DLG2: variants seen among roughly 807,000 people sequenced by gnomAD.
DLG2 encodes discs large MAGUK scaffold protein 2.
A neutral mutation model predicts 132.5 loss-of-function variants in DLG2; 45 were observed. The observed-to-expected ratio is 0.34, with a 90% CI of 0.27 to 0.44. The LOEUF (loss-of-function observed/expected upper bound fraction) is 0.44. Among genes scored for constraint, DLG2 ranks in the 20% least tolerant of loss-of-function variants. DLG2 has a pLI of 1.00. For synonymous variants in DLG2, 424 were observed against 419.6 expected, an observed-to-expected ratio of 1.01 and a Z score of -0.13; for missense variants, 1,045 against 1,196.9, an observed-to-expected ratio of 0.87 and a Z score of 1.87.
At chr11:85,315,129 G>C (rs778496729) in intron 3 of DLG2, among the ~76,000 whole-genome samples, 9 of 151,924 alleles carry the variant, frequency 5.9e-5, no homozygotes, top group Admixed American at 1.3e-4. Flanking sequence ...TTCCAGCCTG[G>C]AAAAGATAGT....
chr11:85,032,086 AACC>A (rs1477208992), intron 6 of DLG2, among the ~76,000 whole-genome samples: 3 of 150,990 alleles, frequency 2.0e-5, no homozygotes, highest in Non-Finnish European at 4.4e-5. Context: ...TATAGGCATG[AACC>A]ACCATGCCTG....
At chr11:84,392,851 A>G (rs2098797379) in intron 7 of DLG2, among the ~76,000 whole-genome samples, 1 of 152,180 alleles carries the variant, frequency 6.6e-6, no homozygotes, top group South Asian at 2.1e-4. Flanking sequence ...TGGGTTCAGG[A>G]GCCATGTTCT....
At chr11:83,830,283 G>A (rs2054108875) in intron 17 of DLG2, among the ~76,000 whole-genome samples, 1 of 152,108 alleles carries the variant, frequency 6.6e-6, no homozygotes, top group Non-Finnish European at 1.5e-5. Flanking sequence ...TTACTGTGTG[G>A]TCCTGGTAAT....
chr11:83,676,810 A>C (rs1271377760), intron 18 of DLG2, among the ~76,000 whole-genome samples: 1 of 152,162 alleles, frequency 6.6e-6, no homozygotes, highest in Non-Finnish European at 1.5e-5. Context: ...TCACACTTGC[A>C]ACTAAGGGCC....
At chr11:84,788,279 TC>T (rs1400256410) in intron 6 of DLG2, among the ~76,000 whole-genome samples, 1 of 151,838 alleles carries the variant, frequency 6.6e-6, no homozygotes, top group Non-Finnish European at 1.5e-5. Flanking sequence ...TGAGAGAGGG[TC>T]AGAAAGCAAG....
chr11:83,532,522 T>C (rs539506099), intron 21 of DLG2, among the ~76,000 whole-genome samples, 186 bp downstream of exon 21: 81 of 152,278 alleles, frequency 5.3e-4, no homozygotes, highest in Non-Finnish European at 7.9e-4. Flanking sequence ...TCCCAGTGTT[T>C]AAATATATTT....
intron 5 of DLG2, among the ~76,000 whole-genome samples, chr11:85,142,013 G>A (rs2076519285): frequency 6.6e-6 from 1 of 151,504 alleles, no homozygotes; most frequent in African/African-American, 2.4e-5. Flanking sequence ...TGTTCTTTTT[G>A]TTGCCCATGA....
chr11:84,269,596 G>A (rs1212884833), intron 7 of DLG2, among the ~76,000 whole-genome samples: 1 of 152,150 alleles, frequency 6.6e-6, no homozygotes, highest in Non-Finnish European at 1.5e-5. Flanking sequence ...CCAATTAGGG[G>A]TTCTCCTGAT....
chr11:83,671,123 A>G (rs890860808), intron 18 of DLG2, among the ~76,000 whole-genome samples: 1 of 152,220 alleles, frequency 6.6e-6, no homozygotes, highest in African/African-American at 2.4e-5. Context: ...CACTATGACA[A>G]CTAAATGGGT....
At chr11:83,568,682 AG>A (rs894911229) in intron 19 of DLG2, among the ~76,000 whole-genome samples, 27 of 152,126 alleles carry the variant, frequency 1.8e-4, no homozygotes, top group African/African-American at 6.5e-4. Flanking sequence ...GCAGGGGAGG[AG>A]GAAGATTCAT....
chr11:84,884,019 T>C (rs1214701181), intron 6 of DLG2, among the ~76,000 whole-genome samples: 1 of 152,104 alleles, frequency 6.6e-6, no homozygotes, highest in African/African-American at 2.4e-5. Flanking sequence ...TTGTTTAACT[T>C]CTTCATTCTT....
At chr11:83,916,168 T>G (rs2154116302) in intron 15 of DLG2, among the ~76,000 whole-genome samples, 1 of 152,316 alleles carries the variant, frequency 6.6e-6, no homozygotes, top group East Asian at 1.9e-4. Context: ...TTTGGGTTGT[T>G]TCCATATTTT....
chr11:84,278,047 G>GTTTTTTTT (rs55650627), intron 7 of DLG2, among the ~76,000 whole-genome samples: 4 of 99,606 alleles, frequency 4.0e-5, no homozygotes, highest in African/African-American at 1.2e-4. Context: ...GCCTGGCTAA[G>GTTTTTTTT]TTTTTTTTTT....
intron 18 of DLG2, among the ~76,000 whole-genome samples, chr11:83,699,937 G>GCACACACACACACACACA: frequency 7.0e-6 from 1 of 142,368 alleles, no homozygotes; most frequent in African/African-American, 2.6e-5. Flanking sequence ...CACCACACAT[G>GCACACACACACACACACA]CACACACACA....
At chr11:83,609,172 T>C (rs1328789673) in intron 19 of DLG2, among the ~76,000 whole-genome samples, 3 of 152,224 alleles carry the variant, frequency 2.0e-5, no homozygotes, top group African/African-American at 4.8e-5. Flanking sequence ...GTTCGACTTA[T>C]TTCATTATGG....
intron 17 of DLG2, among the ~76,000 whole-genome samples, chr11:83,799,696 T>C (rs2043823598): frequency 6.6e-6 from 1 of 152,204 alleles, no homozygotes; most frequent in African/African-American, 2.4e-5. Context: ...ATGATACCAT[T>C]AATCAAGACA....
chr11:84,085,481 C>T (rs559176948), intron 10 of DLG2, among the ~76,000 whole-genome samples: 1 of 152,126 alleles, frequency 6.6e-6, no homozygotes, highest in African/African-American at 2.4e-5. Context: ...TTAACTGAAA[C>T]AAAGCATTGA....
At chr11:83,459,991 T>G (rs966476251) in intron 27 of DLG2, 67 bp from the exon 28 acceptor site, 5 of 879,896 alleles carry the variant, frequency 5.7e-6, no homozygotes, top group East Asian at 2.5e-5. Flanking sequence ...CAATCATCAC[T>G]TACACATTGG....
intron 8 of DLG2, among the ~76,000 whole-genome samples, chr11:84,207,058 A>T (rs921832529): frequency 8.9e-5 from 8 of 89,590 alleles, no homozygotes; most frequent in Non-Finnish European, 1.6e-4. Flanking sequence ...TATAAGAATA[A>T]ATCTCTCTCT....
Sources: allele counts gnomAD v4.1 joint callset (sites outside exome capture counted in the v4.1 genomes callset), GRCh38; gene constraint gnomAD v4.1.1; transcripts MANE v1.5; gene names NCBI Gene and HGNC (gene_info 2026-07-23, HGNC 2026-07-21).